The following NIBAN1 variants were observed in gnomAD, a reference collection of about 807,000 sequenced individuals.
The protein encoded by NIBAN1 is protein Niban 1.
NIBAN1 carries 81 observed loss-of-function variants against 75.1 expected under a neutral mutation model. The ratio of observed to expected loss-of-function variants is 1.08; its 90% CI spans 0.90 to 1.30. The LOEUF is 1.30. Among genes scored for constraint, NIBAN1 ranks in the 50% most tolerant of loss-of-function variants. The pLI is 0.00. For synonymous variants in NIBAN1, 436 were observed against 424.8 expected, an observed-to-expected ratio of 1.03 and a Z score of -0.32; for missense variants, 1,133 against 1,128.1, an observed-to-expected ratio of 1.00 and a Z score of -0.06.
chr1:184,941,882 G>C (rs866965428), intron 1 of NIBAN1, among the ~76,000 whole-genome samples: 2 of 152,166 alleles, frequency 1.3e-5, no homozygotes, highest in Middle Eastern at 3.2e-3. Context: ...TACAACCGGG[G>C]TTCAGTAGCA....
At chr1:184,804,022 A>T (rs1654120255) in intron 11 of NIBAN1, among the ~76,000 whole-genome samples, 1 of 152,236 alleles carries the variant, frequency 6.6e-6, no homozygotes, top group Non-Finnish European at 1.5e-5. Flanking sequence ...AGGTAGGTCC[A>T]TGGAAACCAT....
chr1:184,809,439 G>A (rs1351341599), intron 9 of NIBAN1, among the ~76,000 whole-genome samples: 3 of 152,140 alleles, frequency 2.0e-5, no homozygotes, highest in African/African-American at 7.2e-5. Flanking sequence ...ATAGCAGTAT[G>A]GGGGAGAAAG....
At chr1:184,862,658 T>C (rs2102277520) in intron 5 of NIBAN1, among the ~76,000 whole-genome samples, 1 of 152,338 alleles carries the variant, frequency 6.6e-6, no homozygotes, top group East Asian at 1.9e-4. Context: ...TTCAGTTGCC[T>C]GATTTTATTT....
At chr1:184,878,467 A>G (rs1021954572) in intron 5 of NIBAN1, among the ~76,000 whole-genome samples, 2 of 152,260 alleles carry the variant, frequency 1.3e-5, no homozygotes, top group Non-Finnish European at 2.9e-5. Flanking sequence ...AAACTACACT[A>G]AACCAGTAGA....
chr1:184,872,829 C>T (rs533296832), intron 5 of NIBAN1, among the ~76,000 whole-genome samples: 3 of 152,010 alleles, frequency 2.0e-5, no homozygotes, highest in Non-Finnish European at 4.4e-5. Context: ...GAGAATTTTC[C>T]AAAGTTGCTT....
rs761305002 is a variant in NIBAN1, at chr1:184,823,293, C to T, written c.859G>A (p.Val287Ile). 1.2e-6 allele frequency: 2 copies of T among 1,614,158 alleles called. No individual in the cohort carries two copies. The highest frequency in any genetic ancestry group is 3.3e-5 in the Admixed American group (2 of 60,016). Reference protein sequence around the residue: ...EEAYTLVQHQVSEGLSALKEE... With the variant: ...EEAYTLVQHQISEGLSALKEE... The stretch of plus-strand genomic sequence containing the variant: ...TTCAAGGCACTTAATCCTTCTGAAA[C>T]TTGATGCTGAACCAGGGTGTAGGCC... The change falls in exon 8 of 14, where the codon GTT becomes ATT. Residue 287 changes from valine to isoleucine, a missense_variant. Val to Ile is a conservative substitution (Grantham distance 29). Transcript: ENST00000367511.
chr1:184,863,445 GTTTT>G (rs1196145444), intron 5 of NIBAN1, among the ~76,000 whole-genome samples: 1 of 151,776 alleles, frequency 6.6e-6, no homozygotes. Context: ...GTTCAAATTA[GTTTT>G]TTTTGTTTGT....
intron 1 of NIBAN1, among the ~76,000 whole-genome samples, chr1:184,913,700 C>T (rs182765588): frequency 1.3e-5 from 2 of 152,272 alleles, no homozygotes; most frequent in African/African-American, 2.4e-5. Flanking sequence ...GATAAAAGTA[C>T]TCCAGAATCC....
chr1:184,971,045 G>C (rs146520106), intron 1 of NIBAN1, among the ~76,000 whole-genome samples: 2,319 of 152,152 alleles, frequency 0.015, 45 homozygotes, highest in East Asian at 0.059. Flanking sequence ...CAGCACTTTG[G>C]GAGGCCAAGG....
rs767898218 is a variant in NIBAN1, at chr1:184,859,547, C to T, written c.601+25086G>A. ...AACACAAGTTTGATCTGTATTTCCC[C>T]AGTAACCATGTAGCCAATGGAAACA... On this transcript the variant is annotated intron_variant, in intron 5 of 13. Transcript: ENST00000367511. Among the ~76,000 whole-genome samples the T allele has an allele frequency of 1.5e-4, 23 of 152,124 alleles. 1 individual carries two copies. The highest frequency in any genetic ancestry group is 1.2e-3 in the Admixed American group (19 of 15,266).
chr1:184,880,848 G>A (rs1046583063), intron 5 of NIBAN1, among the ~76,000 whole-genome samples: 3 of 152,142 alleles, frequency 2.0e-5, no homozygotes, highest in African/African-American at 7.2e-5. Flanking sequence ...CTCAGTTTGT[G>A]GCAGCAGACA....
At chr1:184,819,382 T>A (rs982357008) in intron 8 of NIBAN1, among the ~76,000 whole-genome samples, 2 of 151,840 alleles carry the variant, frequency 1.3e-5, no homozygotes, top group East Asian at 1.9e-4. Context: ...CAAAACAAAA[T>A]CACAATAGGT....
Position 184,839,289 on chromosome 1 carries a change from A to T in NIBAN1, c.602-7327T>A. ...TATAACAGTTTATCATGTAATTTTTAAAAACTTTTTATTTTGAGATAATTT... is the reference window on the plus strand; with the variant it reads ...TATAACAGTTTATCATGTAATTTTTTAAAACTTTTTATTTTGAGATAATTT... On this transcript the variant is annotated intron_variant, in intron 5 of 13. Transcript: ENST00000367511. Among the ~76,000 whole-genome samples the T allele has an allele frequency of 2.6e-5, 4 of 152,250 alleles. 1 individual carries two copies. In the South Asian group the frequency reaches 8.3e-4, roughly 32 times the overall value.
chr1:184,907,331 G>T (rs1197773431), intron 1 of NIBAN1, among the ~76,000 whole-genome samples: 1 of 152,046 alleles, frequency 6.6e-6, no homozygotes, highest in East Asian at 1.9e-4. Context: ...TTATTTCCTG[G>T]CAACTGAGGA....
intron 1 of NIBAN1, among the ~76,000 whole-genome samples, chr1:184,930,199 A>C (rs1657784016): frequency 6.6e-6 from 1 of 152,178 alleles, no homozygotes; most frequent in South Asian, 2.1e-4. Flanking sequence ...TTTACCAGTA[A>C]GTGACAGGAG....
intron 1 of NIBAN1, among the ~76,000 whole-genome samples, chr1:184,945,382 G>A (rs1248081685): frequency 6.6e-6 from 1 of 152,166 alleles, no homozygotes; most frequent in African/African-American, 2.4e-5. Context: ...TTTTGATAAA[G>A]AGTTTCTAAA....
intron 1 of NIBAN1, among the ~76,000 whole-genome samples, chr1:184,919,557 C>CA (rs1258837466): frequency 6.6e-6 from 1 of 152,042 alleles, no homozygotes; most frequent in Non-Finnish European, 1.5e-5. Flanking sequence ...CCTGGAAAAT[C>CA]AAAACACACT....
rs754909206 is a variant in NIBAN1, at chr1:184,884,669, C to A, written c.565G>T (p.Ala189Ser). ...TGCCTGACGCAGTCACTCAGGAGGG[C>A]ACTAAACCTCTTCTGGTCAGCAGCC... is the stretch of plus-strand genomic sequence containing the variant. ...HEAADQKRFS[A>S]LLSDCVRHLN... The change falls in exon 5 of 14, where the codon GCC becomes TCC. Residue 189 changes from alanine (A) to serine (S), a missense_variant. By Grantham distance (99) the Ala-to-Ser change is moderately conservative (BLOSUM62 1). Coordinates refer to ENST00000367511, the MANE Select transcript of NIBAN1 (RefSeq NM_052966.4). 4 of 1,614,038 alleles carry A rather than the reference C, an allele frequency of 2.5e-6. No individual in the cohort carries two copies. Among genetic ancestry groups the A allele is most frequent in the Non-Finnish European group, 3.4e-6 (4 of 1,180,004 alleles).
intron 9 of NIBAN1, among the ~76,000 whole-genome samples, chr1:184,814,396 G>A (rs948818347): frequency 5.9e-5 from 9 of 151,916 alleles, no homozygotes; most frequent in Non-Finnish European, 1.0e-4. Flanking sequence ...ATACACTAAT[G>A]GAAACATAAA....
Sources: allele counts gnomAD v4.1 joint callset (sites outside exome capture counted in the v4.1 genomes callset), GRCh38; gene constraint gnomAD v4.1.1; transcripts MANE v1.5; gene names NCBI Gene and HGNC (gene_info 2026-07-23, HGNC 2026-07-21).